Variants in CST3 observed in about 807,000 individuals in gnomAD.
CST3 encodes cystatin-C.
In CST3, 14 loss-of-function variants were observed where a neutral mutation model predicts 9.0. That is an observed-to-expected ratio of 1.56 (90% CI 1.03 to 2.44). The LOEUF (loss-of-function observed/expected upper bound fraction) is 2.44. Among genes scored for constraint, CST3 ranks in the 30% most tolerant of loss-of-function variants. The pLI, the probability that CST3 is intolerant of heterozygous loss-of-function variation, is 0.00. For synonymous variants in CST3, 96 were observed against 90.2 expected (o/e 1.06, Z -0.37); for missense variants, 237 against 204.3 (o/e 1.16, Z -0.98).
chr20:23,628,054 GTTTT>G (rs201660891), exon 4 of CST3: 1 of 149,880 alleles, frequency 6.7e-6, no homozygotes, highest in African/African-American at 2.5e-5. Flanking sequence ...CATGTGTGTT[GTTTT>G]TTTTTGTTTT....
At chr20:23,633,112 C>T (rs1484978428), downstream of CST3, among the ~76,000 whole-genome samples, 1 of 152,136 alleles carries the variant, frequency 6.6e-6, no homozygotes, top group Non-Finnish European at 1.5e-5. Context: ...GTCTGGCTGG[C>T]GTTTCTCCTG....
chr20:23,627,436 C>T (rs1275654902), exon 4 of CST3: 5 of 152,048 alleles, frequency 3.3e-5, no homozygotes, highest in Admixed American at 1.3e-4. Context: ...ATTATCCATT[C>T]GTCAGTTGAT....
In CST3 at chr20:23,634,018, G is replaced by T. The variant is rs773943139; in HGVS notation, c.358-19C>A. The stretch of plus-strand genomic sequence containing the variant: ...ATGCTTTCTGTGAAAGGAAACAGAG[G>T]GGACAATCAGTGTGGGTTACAGTTC... On this transcript the variant is annotated intron_variant, in intron 2 of 2. Coordinates refer to ENST00000376925, the MANE Select transcript of CST3 (RefSeq NM_000099.4). 8.1e-6 allele frequency: 13 copies of T among 1,604,270 alleles called. No individual in the cohort carries two copies. Among genetic ancestry groups the T allele is most frequent in the Non-Finnish European group, 1.1e-5 (13 of 1,171,160 alleles).
At chr20:23,633,436 C>G (rs541760292), downstream of CST3, among the ~76,000 whole-genome samples, 1 of 152,320 alleles carries the variant, frequency 6.6e-6, no homozygotes, top group East Asian at 1.9e-4. Context: ...TCACCAGGGG[C>G]TGCTGTGGCT....
intron 1 of CST3, among the ~76,000 whole-genome samples, chr20:23,637,025 C>A (rs778361377): frequency 3.9e-5 from 6 of 152,222 alleles, no homozygotes; most frequent in Non-Finnish European, 5.9e-5. Context: ...CATATACACA[C>A]ACCCATATTC....
downstream of CST3, chr20:23,633,548 C>A: frequency 2.4e-6 from 1 of 418,058 alleles, no homozygotes; most frequent in Admixed American, 3.5e-5. Flanking sequence ...CGCGTCAGCT[C>A]CCAGGTACTC....
intron 2 of CST3, among the ~76,000 whole-genome samples, chr20:23,634,508 G>T (rs1979583002): frequency 6.6e-6 from 1 of 152,162 alleles, no homozygotes; most frequent in South Asian, 2.1e-4. Flanking sequence ...GGAGAAGCTG[G>T]TGTTGGGTGA....
Position 23,637,624 on chromosome 20 carries a change from T to C in CST3, c.239A>G (p.Lys80Arg), listed in dbSNP as rs1979735965. 1.3e-6 allele frequency: 2 copies of C among 1,518,978 alleles called. No homozygotes were observed. Among genetic ancestry groups the C allele is most frequent in the African/African-American group, 1.4e-5 (1 of 69,228 alleles). 94.1% of individuals were successfully genotyped at this position (1,518,978 alleles called of 1,614,324 possible). ...CCTGCGGGGGGCGGCACGCACCTGCTTGCGGGCGCGCACCACCTGCAGCGC... is the reference window on the plus strand; with the variant it reads ...CCTGCGGGGGGCGGCACGCACCTGCCTGCGGGCGCGCACCACCTGCAGCGC... Reference protein sequence around the residue: ...SRALQVVRARKQIVAGVNYFL... With the variant: ...SRALQVVRARRQIVAGVNYFL... Residue 80 changes from lysine to arginine, a missense_variant, in exon 1 of 3, where the codon AAG becomes AGG. Lys to Arg is a conservative substitution (Grantham distance 26, BLOSUM62 2). Transcript: ENST00000376925.
intron 2 of CST3, among the ~76,000 whole-genome samples, chr20:23,634,221 C>T (rs1979568406): frequency 6.6e-6 from 1 of 152,108 alleles, no homozygotes; most frequent in African/African-American, 2.4e-5. Flanking sequence ...TGGCACTGGG[C>T]CCCCACCCCA....
At chr20:23,635,098 C>T (rs771094829) in intron 2 of CST3, among the ~76,000 whole-genome samples, 156 bp downstream of exon 2, 1 of 152,050 alleles carries the variant, frequency 6.6e-6, no homozygotes, top group Non-Finnish European at 1.5e-5. Context: ...CTTCCCCACA[C>T]AAACCTATAC....
chr20:23,633,740 G>A lies in CST3; in HGVS notation c.*176C>T. The A allele has an allele frequency of 1.4e-6, 1 of 690,516 alleles. No individual in the cohort carries two copies. The highest frequency in any genetic ancestry group is 2.7e-6 in the Non-Finnish European group (1 of 376,818). 42.8% of individuals were successfully genotyped at this position (690,516 alleles called of 1,614,324 possible). A position where few individuals can be genotyped will look rare whatever the true frequency, so the allele number is the denominator to read the frequency against. On this transcript the variant is annotated 3_prime_UTR_variant, in exon 3 of 3. Transcript: ENST00000376925. ...TGAGAAGCAAGAAGGAAGGAGGGAG[G>A]GCAGAGCCCCTTGCTGAGCAACAAA...
downstream of CST3, among the ~76,000 whole-genome samples, chr20:23,633,380 C>T (rs1027832124): frequency 6.6e-6 from 1 of 152,130 alleles, no homozygotes; most frequent in East Asian, 1.9e-4. Flanking sequence ...ATCACCAGCC[C>T]AGCTTCTGGG....
rs1568706625 is a variant in CST3 at position 23,637,663 on chromosome 20, AT to A, written c.199del (p.Met67CysfsTer17). 6.5e-7 allele frequency: 1 copy of A among 1,535,124 alleles called. No individual in the cohort carries two copies. The highest frequency in any genetic ancestry group is 2.0e-5 in the Admixed American group (1 of 49,904). On this transcript the variant is annotated frameshift_variant, in exon 1 of 3. Coordinates refer to ENST00000376925, the MANE Select transcript of CST3 (RefSeq NM_000099.4). LOFTEE classifies it high-confidence loss of function. The part of the protein sequence containing the change: ...VGEYNKASND[M>X]YHSRALQVVR... ...CACCTGCAGCGCGCGGCTGTGGTAC[AT>A]GTCGTTGCTGGCTTTGTTGTACTCG...
At chr20:23,630,799 T>C (rs1262901100), downstream of CST3, among the ~76,000 whole-genome samples, 1 of 147,422 alleles carries the variant, frequency 6.8e-6, no homozygotes, top group African/African-American at 2.5e-5. Context: ...GCAAACTCAA[T>C]AGTCTTCTAT....
chr20:23,637,142 T>C (rs1979708340), intron 1 of CST3, among the ~76,000 whole-genome samples: 1 of 152,196 alleles, frequency 6.6e-6, no homozygotes, highest in South Asian at 2.1e-4. Flanking sequence ...CTGTGCTATT[T>C]TGCAGCTGCT....
rs1979737053 is a variant in CST3 at position 23,637,638 on chromosome 20, C to T, written c.225G>A (p.Val75=). The part of the protein sequence containing the change: ...NDMYHSRALQ[V]VRARKQIVAG... ...CACGCACCTGCTTGCGGGCGCGCAC[C>T]ACCTGCAGCGCGCGGCTGTGGTACA... Residue 75 remains valine (V), a synonymous_variant, in exon 1 of 3, where the codon GTG becomes GTA. Transcript: ENST00000376925. 1.3e-6 allele frequency: 2 copies of T among 1,525,432 alleles called. No individual in the cohort carries two copies. The highest frequency in any genetic ancestry group is 1.4e-5 in the African/African-American group (1 of 69,572). 94.5% of individuals were successfully genotyped at this position (1,525,432 alleles called of 1,614,324 possible). A position where few individuals can be genotyped will look rare whatever the true frequency, so the allele number is the denominator to read the frequency against.
chr20:23,629,841 G>A (rs1979385332), downstream of CST3, among the ~76,000 whole-genome samples: 1 of 152,160 alleles, frequency 6.6e-6, no homozygotes, highest in Admixed American at 6.5e-5. Flanking sequence ...TTGAGGAAGT[G>A]GGGGTTACTG....
At position 23,633,833 on chromosome 20, in the gene CST3, G is replaced by A. The variant is rs11504; in HGVS notation, c.*83C>T. On this transcript the variant is annotated 3_prime_UTR_variant, in exon 3 of 3. Coordinates refer to ENST00000376925, the MANE Select transcript of CST3 (RefSeq NM_000099.4). ...ATGGGGAGACCTTCCCCAAGGCAGG[G>A]GCCACCAGTCCAGGGGTGGGAATAC... 21 of 1,217,726 alleles carry A rather than the reference G, an allele frequency of 1.7e-5. No individual in the cohort carries two copies. The highest frequency in any genetic ancestry group is 2.6e-5 in the Non-Finnish European group (21 of 821,472). The allele number at this position is 1,217,726 out of a possible 1,614,324, so 75.4% of individuals were successfully genotyped here. A position where few individuals can be genotyped will look rare whatever the true frequency, so the allele number is the denominator to read the frequency against.
At chr20:23,635,458 T>A in intron 1 of CST3, 91 bp from the exon 2 acceptor site, 1 of 1,166,718 alleles carries the variant, frequency 8.6e-7, no homozygotes, top group Non-Finnish European at 1.3e-6. Flanking sequence ...GTCACTGGGC[T>A]TGCCTGGGGC....
Sources: allele counts gnomAD v4.1 joint callset (sites outside exome capture counted in the v4.1 genomes callset), GRCh38; gene constraint gnomAD v4.1.1; transcripts MANE v1.5; gene names NCBI Gene and HGNC (gene_info 2026-07-23, HGNC 2026-07-21).